The following DAB1 variants were observed in gnomAD, a reference collection of about 807,000 sequenced individuals.
DAB1 encodes the protein DAB adaptor protein 1, also known as disabled homolog 1.
A neutral mutation model predicts 64.6 loss-of-function variants in DAB1; 15 were observed. That is an observed-to-expected ratio of 0.23 (90% CI 0.16 to 0.36). The LOEUF is 0.36. Among genes scored for constraint, DAB1 ranks in the 10% least tolerant of loss-of-function variants. The pLI, the probability that DAB1 is intolerant of heterozygous loss-of-function variation, is 1.00. For synonymous variants in DAB1, 235 were observed against 251.9 expected, an observed-to-expected ratio of 0.93 and a Z score of 0.64; for missense variants, 596 against 706.7, an observed-to-expected ratio of 0.84 and a Z score of 1.78.
At position 57,391,162 on chromosome 1, in the gene DAB1, C is replaced by T. The variant is rs115423140; in HGVS notation, c.-137+32768G>A. Among the ~76,000 whole-genome samples the T allele has an allele frequency of 9.5e-3, 1,443 of 152,240 alleles. 17 individuals carry two copies. Among genetic ancestry groups the T allele is most frequent in the Non-Finnish European group, 0.015 (1,001 of 68,018 alleles). On this transcript the variant is annotated intron_variant, in intron 1 of 14. Coordinates refer to ENST00000371236, the MANE Select transcript of DAB1 (RefSeq NM_001365792.1). ...CCGCCCTAACTCCATGTTTTTGGTT[C>T]CAAGAATGTCCATTCATTCACAAGC...
intron 9 of DAB1, among the ~76,000 whole-genome samples, chr1:57,043,447 C>T (rs1648057509): frequency 6.6e-6 from 1 of 152,198 alleles, no homozygotes; most frequent in African/African-American, 2.4e-5. Flanking sequence ...AAGCTGTCTG[C>T]CTCTCTCCCT....
Position 57,620,375 on chromosome 1 carries a change from G to A in DAB1, n.625+29217C>T, listed in dbSNP as rs183903577. ...TTTACAGGGTTAAACGAGAATGATA[G>A]GTCCCTCTGGACTTGTTTCCAGGAC... On this transcript the variant is annotated intron_variant and non_coding_transcript_variant, in intron 7 of 20. Transcript: ENST00000485760. 6.8e-4 allele frequency among the ~76,000 whole-genome samples: 104 copies of A among 152,328 alleles called. 2 individuals carry two copies. The highest frequency in any genetic ancestry group is 3.5e-3 in the Admixed American group (53 of 15,300).
chr1:57,974,760 G>A (rs1645879963), intron 5 of DAB1, among the ~76,000 whole-genome samples: 1 of 151,884 alleles, frequency 6.6e-6, no homozygotes, highest in Non-Finnish European at 1.5e-5. Flanking sequence ...ACATTTATGT[G>A]TCCACTGTTT....
At chr1:58,536,271 T>A (rs1266258978) in intron 1 of DAB1, among the ~76,000 whole-genome samples, 1 of 152,008 alleles carries the variant, frequency 6.6e-6, no homozygotes, top group Admixed American at 6.6e-5. Flanking sequence ...AAGGTTTTCC[T>A]GAGAAAAGTG....
intron 3 of DAB1, among the ~76,000 whole-genome samples, chr1:58,485,689 TA>T (rs1645565109): frequency 6.6e-6 from 1 of 152,150 alleles, no homozygotes; most frequent in Non-Finnish European, 1.5e-5. Context: ...TCTATCTTAT[TA>T]AATATATCTT....
At chr1:57,224,754 G>T (rs1368635858) in intron 2 of DAB1, among the ~76,000 whole-genome samples, 2 of 152,232 alleles carry the variant, frequency 1.3e-5, no homozygotes, top group Non-Finnish European at 2.9e-5. Context: ...ATTGATAGGA[G>T]TGTCTTTGTT....
intron 7 of DAB1, among the ~76,000 whole-genome samples, chr1:57,608,394 AAGAG>A (rs565399713): frequency 8.6e-5 from 13 of 150,658 alleles, no homozygotes; most frequent in Non-Finnish European, 1.3e-4. Context: ...ATATTAAAAA[AAGAG>A]AGAGAGAGAG....
chr1:57,283,439 A>T (rs1328476578), intron 2 of DAB1, among the ~76,000 whole-genome samples: 1 of 152,228 alleles, frequency 6.6e-6, no homozygotes, highest in Non-Finnish European at 1.5e-5. Context: ...TGGGGGCCAC[A>T]GAGGAAAGGA....
chr1:57,009,813 G>C (rs541897179), intron 14 of DAB1, among the ~76,000 whole-genome samples: 8 of 152,104 alleles, frequency 5.3e-5, no homozygotes, highest in African/African-American at 1.9e-4. Flanking sequence ...TCTTTCTTTC[G>C]ATCAAATCAG....
chr1:58,192,507 A>T (rs1437530920), intron 4 of DAB1, among the ~76,000 whole-genome samples: 1 of 152,146 alleles, frequency 6.6e-6, no homozygotes, highest in Non-Finnish European at 1.5e-5. Context: ...TATAAGTGAG[A>T]CATGTAGTAT....
chr1:57,472,860 C>A (rs927301150), intron 7 of DAB1, among the ~76,000 whole-genome samples: 18 of 152,148 alleles, frequency 1.2e-4, no homozygotes, highest in African/African-American at 2.2e-4. Flanking sequence ...CATGTCCATA[C>A]CTTTATATTT....
At chr1:57,249,872 T>G (rs887344073) in intron 2 of DAB1, among the ~76,000 whole-genome samples, 1 of 152,270 alleles carries the variant, frequency 6.6e-6, no homozygotes, top group African/African-American at 2.4e-5. Flanking sequence ...GCTATGATAA[T>G]CTATTGTTTT....
At chr1:58,337,127 C>T (rs1663136524) in intron 4 of DAB1, among the ~76,000 whole-genome samples, 1 of 151,686 alleles carries the variant, frequency 6.6e-6, no homozygotes. Flanking sequence ...ACTAAAAATA[C>T]AAAAATTAGC....
At chr1:58,459,683 A>G (rs994448923) in intron 3 of DAB1, among the ~76,000 whole-genome samples, 3 of 152,240 alleles carry the variant, frequency 2.0e-5, no homozygotes, top group Non-Finnish European at 4.4e-5. Context: ...TATTTATTAG[A>G]AACAAGTCAC....
chr1:57,452,844 G>C (rs1686438227), intron 7 of DAB1, among the ~76,000 whole-genome samples: 1 of 151,844 alleles, frequency 6.6e-6, no homozygotes, highest in African/African-American at 2.4e-5. Context: ...AGTAGATGTG[G>C]GAAGAAGGAA....
intron 5 of DAB1, among the ~76,000 whole-genome samples, chr1:57,898,812 T>C (rs888734701): frequency 6.6e-6 from 1 of 152,182 alleles, no homozygotes; most frequent in Non-Finnish European, 1.5e-5. Flanking sequence ...AACCAGCTGA[T>C]CTTTGATATC....
intron 7 of DAB1, among the ~76,000 whole-genome samples, chr1:57,434,695 C>A (rs1017961938): frequency 3.9e-5 from 6 of 152,252 alleles, no homozygotes; most frequent in African/African-American, 1.4e-4. Flanking sequence ...CTACTACACA[C>A]CTAGGCTATA....
At chr1:57,829,512 ACATT>A (rs1384275423) in intron 1 of DAB1, among the ~76,000 whole-genome samples, 1 of 152,212 alleles carries the variant, frequency 6.6e-6, no homozygotes, top group African/African-American at 2.4e-5. Context: ...TAGACAGTAA[ACATT>A]CAATCAATGG....
intron 6 of DAB1, among the ~76,000 whole-genome samples, chr1:57,724,857 G>C (rs1188974954): frequency 6.6e-6 from 1 of 152,194 alleles, no homozygotes; most frequent in African/African-American, 2.4e-5. Context: ...CCACTCCTTA[G>C]TGCCACCTAT....
Sources: allele counts gnomAD v4.1 joint callset (sites outside exome capture counted in the v4.1 genomes callset), GRCh38; gene constraint gnomAD v4.1.1; transcripts MANE v1.5; gene names NCBI Gene and HGNC (gene_info 2026-07-23, HGNC 2026-07-21).